The following MYZAP variants were observed in gnomAD, a reference collection of about 807,000 sequenced individuals.
MYZAP encodes GRINL1A complex locus upstream.
Under a neutral mutation model 69.4 loss-of-function variants are expected in MYZAP, and 66 were observed. The observed-to-expected ratio is 0.95, with a 90% CI of 0.78 to 1.17. MYZAP has a LOEUF of 1.17. Among genes scored for constraint, MYZAP ranks in the 50% most tolerant of loss-of-function variants. The probability of loss-of-function intolerance (pLI) is 0.00; values close to 1 mark genes in which losing one functional copy is unlikely to be tolerated. For synonymous variants in MYZAP, 256 were observed against 205.9 expected (o/e 1.24, Z -2.09); for missense variants, 611 against 556.2 (o/e 1.10, Z -0.99).
intron 2 of MYZAP, among the ~76,000 whole-genome samples, chr15:57,617,071 C>A (rs2035513218): frequency 1.3e-5 from 2 of 151,894 alleles, no homozygotes; most frequent in South Asian, 4.2e-4. Context: ...CCTACTCTGT[C>A]CCCCTGCATC....
intron 2 of MYZAP, among the ~76,000 whole-genome samples, chr15:57,615,130 A>G (rs2635386): frequency 0.38 from 57,938 of 151,960 alleles, 11,930 homozygotes; most frequent in East Asian, 0.55. Flanking sequence ...CATTTACACA[A>G]ATGTTCAATT....
chr15:57,670,986 C>A (rs757616287), intron 11 of MYZAP, among the ~76,000 whole-genome samples: 47 of 152,128 alleles, frequency 3.1e-4, no homozygotes, highest in Middle Eastern at 6.8e-3. Flanking sequence ...CTTTAACAAT[C>A]ATATGTACTT....
chr15:57,612,653 C>T (rs756149789), intron 2 of MYZAP, among the ~76,000 whole-genome samples: 2 of 152,168 alleles, frequency 1.3e-5, no homozygotes, highest in African/African-American at 4.8e-5. Context: ...GCCTTGTTAA[C>T]GCAGACTCTT....
chr15:57,639,379 T>C, intron 9 of MYZAP, 61 bp from the exon 10 acceptor site: 1 of 1,555,296 alleles, frequency 6.4e-7, no homozygotes. Flanking sequence ...CTGTGACTGT[T>C]GCTACTGCTG....
chr15:57,675,167 A>G (rs2039058361), intron 12 of MYZAP, 99 bp downstream of exon 12: 4 of 1,096,074 alleles, frequency 3.6e-6, no homozygotes, highest in Middle Eastern at 2.0e-4. Flanking sequence ...CATTCTTCCT[A>G]TCACAAATAT....
intron 10 of MYZAP, among the ~76,000 whole-genome samples, chr15:57,660,079 C>A (rs1463921282): frequency 6.6e-6 from 1 of 152,118 alleles, no homozygotes; most frequent in Non-Finnish European, 1.5e-5. Context: ...GTTACACAGA[C>A]CTCCATCATA....
intron 7 of MYZAP, among the ~76,000 whole-genome samples, chr15:57,633,097 T>C (rs2036603841): frequency 6.6e-6 from 1 of 152,246 alleles, no homozygotes; most frequent in Non-Finnish European, 1.5e-5. Context: ...CATCTTGGCT[T>C]TTCCAGGAGA....
At position 57,618,130 on chromosome 15, in the gene MYZAP, T is replaced by C. The variant is rs1343943748; in HGVS notation, c.260T>C (p.Met87Thr). 6 of 1,614,150 alleles carry C rather than the reference T, an allele frequency of 3.7e-6. No individual in the cohort carries two copies. The highest frequency in any genetic ancestry group is 5.1e-6 in the Non-Finnish European group (6 of 1,180,018). ...RRSDQNQQKE[M>T]VVYGWSTSQL... The stretch of plus-strand genomic sequence containing the variant: ...TCAGATCAAAATCAGCAGAAAGAAA[T>C]GGTGGTGTATGGGTGGTCCACCAGT... The change falls in exon 3 of 13, where the codon ATG (methionine) becomes ACG (threonine). Residue 87 changes from methionine to threonine, a missense_variant. Physicochemically the swap from Met to Thr is moderately conservative, Grantham distance 81. Transcript: ENST00000267853.
chr15:57,664,119 A>G (rs1161227247), intron 11 of MYZAP, among the ~76,000 whole-genome samples: 4 of 150,214 alleles, frequency 2.7e-5, no homozygotes, highest in South Asian at 2.1e-4. Flanking sequence ...ACTTCTTTCA[A>G]TATTTTCTTA....
intron 10 of MYZAP, among the ~76,000 whole-genome samples, chr15:57,657,791 G>A (rs1310623709): frequency 2.6e-5 from 4 of 152,100 alleles, no homozygotes; most frequent in African/African-American, 9.7e-5. Flanking sequence ...TGGATCAAAG[G>A]GTATGAACAG....
intron 10 of MYZAP, chr15:57,646,570 C>T (rs1002194415): frequency 9.8e-7 from 1 of 1,020,128 alleles, no homozygotes; most frequent in Non-Finnish European, 1.2e-6. Flanking sequence ...CTGCCAAAGA[C>T]ATCTGCTAAG....
chr15:57,595,568 C>T (rs996764586), intron 1 of MYZAP, among the ~76,000 whole-genome samples: 45 of 147,550 alleles, frequency 3.0e-4, no homozygotes, highest in Non-Finnish European at 5.1e-4. Flanking sequence ...GGCTTCCCCA[C>T]AAAGCACACA....
intron 10 of MYZAP, among the ~76,000 whole-genome samples, chr15:57,651,501 G>A (rs2037725483): frequency 6.6e-6 from 1 of 152,176 alleles, no homozygotes; most frequent in Non-Finnish European, 1.5e-5. Context: ...CAACTCTCCA[G>A]GCCAGCTTTG....
chr15:57,639,233 A>G (rs1440859989), intron 9 of MYZAP, among the ~76,000 whole-genome samples: 5 of 145,844 alleles, frequency 3.4e-5, no homozygotes, highest in African/African-American at 1.3e-4. Flanking sequence ...TTTTGTGGAG[A>G]TGAGGGTCTC....
intron 11 of MYZAP, among the ~76,000 whole-genome samples, chr15:57,671,824 A>G (rs1286738562): frequency 1.3e-5 from 2 of 152,168 alleles, no homozygotes; most frequent in African/African-American, 4.8e-5. Flanking sequence ...TGGCTGCATT[A>G]AAGTCTTTGT....
At chr15:57,592,201 C>T (rs1595838222) in intron 1 of MYZAP, 92 bp downstream of exon 1, 4 of 1,140,320 alleles carry the variant, frequency 3.5e-6, no homozygotes, top group African/African-American at 3.2e-5. Context: ...GCTCGGGAGC[C>T]AGCACCTGGC....
chr15:57,643,593 A>G lies in MYZAP; in HGVS notation c.1119+4048A>G, dbSNP rs140620072. 2.4e-4 allele frequency among the ~76,000 whole-genome samples: 36 copies of G among 152,332 alleles called. No homozygotes were observed. The East Asian group carries it at 6.8e-3, about 29-fold the overall frequency. On this transcript the variant is annotated intron_variant, in intron 10 of 12. Coordinates refer to ENST00000267853, the MANE Select transcript of MYZAP (RefSeq NM_001018100.5). ...TCTCACCATGGCTCTCCTGCTGCCA[A>G]CCAAAGCAGCTCTCCTGCCAAGGGG... is the stretch of plus-strand genomic sequence containing the variant.
At chr15:57,637,192 T>A (rs1482352535) in intron 8 of MYZAP, among the ~76,000 whole-genome samples, 1 of 152,210 alleles carries the variant, frequency 6.6e-6, no homozygotes, top group African/African-American at 2.4e-5. Flanking sequence ...CCATGTAAGA[T>A]AACACATAGG....
At chr15:57,610,765 C>T (rs1444163004) in intron 2 of MYZAP, among the ~76,000 whole-genome samples, 2 of 152,132 alleles carry the variant, frequency 1.3e-5, no homozygotes, top group Admixed American at 1.3e-4. Context: ...CCATCAGGCC[C>T]CCAACTCTTC....
Sources: gnomAD v4.1 joint callset for allele counts (sites outside exome capture counted in the v4.1 genomes callset) on GRCh38, gnomAD v4.1.1 for gene constraint, MANE v1.5 for transcripts, NCBI Gene and HGNC (gene_info 2026-07-23, HGNC 2026-07-21) for gene names.